The following SHANK2 variants were observed in gnomAD, a reference collection of about 807,000 sequenced individuals.
SHANK2 encodes SH3 and multiple ankyrin repeat domains 2.
In SHANK2, 43 loss-of-function variants were observed where a neutral mutation model predicts 133.7. That is an observed-to-expected ratio of 0.32 (90% CI 0.25 to 0.41). SHANK2 has a LOEUF of 0.41. Ranked by LOEUF, SHANK2 falls within the 10% of genes least tolerant of loss-of-function variation. The probability of loss-of-function intolerance (pLI) is 1.00; values close to 1 mark genes in which losing one functional copy is unlikely to be tolerated. For missense variants in SHANK2, 1,994 were observed against 2,235.8 expected, an observed-to-expected ratio of 0.89 and a Z score of 2.18; for synonymous variants, 1,017 against 952.8, an observed-to-expected ratio of 1.07 and a Z score of -1.24.
intron 17 of SHANK2, among the ~76,000 whole-genome samples, chr11:70,557,409 A>G (rs1554979888): frequency 6.6e-6 from 1 of 152,158 alleles, no homozygotes; most frequent in Admixed American, 6.5e-5. Flanking sequence ...GAAGGGACTC[A>G]CATGGAGGGC....
intron 21 of SHANK2, among the ~76,000 whole-genome samples, chr11:70,497,331 T>C (rs965439427): frequency 6.6e-5 from 10 of 152,160 alleles, no homozygotes; most frequent in African/African-American, 2.4e-4. Flanking sequence ...TATGCTTAAT[T>C]TATAAAAGCT....
At chr11:70,616,080 C>T (rs1424237549) in intron 17 of SHANK2, among the ~76,000 whole-genome samples, 1 of 152,130 alleles carries the variant, frequency 6.6e-6, no homozygotes, top group East Asian at 1.9e-4. Flanking sequence ...CTGTCCTTGC[C>T]GTTAGGATGC....
chr11:70,479,674 C>T lies in SHANK2; in HGVS notation c.4979+5640G>A, dbSNP rs1432010573. Among the ~76,000 whole-genome samples the T allele has an allele frequency of 6.6e-6, 1 of 152,262 alleles. No homozygotes were observed. Among genetic ancestry groups the T allele is most frequent in the African/African-American group, 2.4e-5 (1 of 41,474 alleles). On this transcript the variant is annotated intron_variant, in intron 25 of 25. Transcript: ENST00000601538. The surrounding 1 kb of genome is among the most constrained non-coding windows in gnomAD (Gnocchi z 4.4). Reference sequence around the variant, plus strand: ...CCTAACAGAAGCCATGGGGGACCCCCACAAGCACACACTCACTGCTCTGTT... The same window carrying T: ...CCTAACAGAAGCCATGGGGGACCCCTACAAGCACACACTCACTGCTCTGTT...
At chr11:70,839,546 A>C (rs1211639303) in intron 11 of SHANK2, among the ~76,000 whole-genome samples, 1 of 152,230 alleles carries the variant, frequency 6.6e-6, no homozygotes, top group Non-Finnish European at 1.5e-5. Context: ...TTCCTGTGCC[A>C]CTGGGCTCCT....
At chr11:71,065,790 A>C (rs1451302731) in intron 9 of SHANK2, among the ~76,000 whole-genome samples, 2 of 111,494 alleles carry the variant, frequency 1.8e-5, no homozygotes, top group African/African-American at 7.2e-5. Context: ...GGGGTACAGA[A>C]CTCTCCCAGG....
chr11:70,651,216 T>C (rs1363379178), intron 17 of SHANK2, among the ~76,000 whole-genome samples: 1 of 152,194 alleles, frequency 6.6e-6, no homozygotes, highest in Non-Finnish European at 1.5e-5. Flanking sequence ...CATGGTCCCC[T>C]GAAGTGATTC....
At chr11:70,720,097 C>G (rs1268739280) in intron 14 of SHANK2, among the ~76,000 whole-genome samples, 2 of 152,184 alleles carry the variant, frequency 1.3e-5, no homozygotes, top group Admixed American at 6.5e-5. Context: ...GAGCCAGAAC[C>G]ATCGGACCGC....
intron 6 of SHANK2, 76 bp downstream of exon 6, chr11:71,109,865 A>T (rs1349248347): frequency 3.5e-6 from 3 of 856,380 alleles, no homozygotes; most frequent in Non-Finnish European, 5.8e-6. Flanking sequence ...CGTTATTCAC[A>T]GGTAGCCTGA....
intron 1 of SHANK2, among the ~76,000 whole-genome samples, chr11:71,233,341 C>T (rs1055440436): frequency 2.6e-5 from 4 of 152,070 alleles, no homozygotes; most frequent in Admixed American, 1.3e-4. Flanking sequence ...CTCGGTAACA[C>T]GATGCTAAGT....
intron 14 of SHANK2, among the ~76,000 whole-genome samples, chr11:70,754,551 A>C (rs1487119203): frequency 6.6e-6 from 1 of 152,202 alleles, no homozygotes; most frequent in Non-Finnish European, 1.5e-5. Context: ...AGGAAATTCT[A>C]CATAGGTGAC....
chr11:71,071,248 T>C (rs1030700043), intron 9 of SHANK2, among the ~76,000 whole-genome samples: 1 of 152,192 alleles, frequency 6.6e-6, no homozygotes, highest in Non-Finnish European at 1.5e-5. Context: ...AGCTGAGTAA[T>C]GTATCTCCAC....
intron 14 of SHANK2, among the ~76,000 whole-genome samples, chr11:70,707,879 C>T (rs1185324159): frequency 6.6e-6 from 1 of 152,202 alleles, no homozygotes; most frequent in African/African-American, 2.4e-5. Flanking sequence ...CCACCTCACC[C>T]CACGCCCCAG....
intron 14 of SHANK2, among the ~76,000 whole-genome samples, chr11:70,748,424 T>C (rs1291422897): frequency 1.3e-5 from 2 of 152,024 alleles, no homozygotes; most frequent in Non-Finnish European, 2.9e-5. Context: ...CCCACAACCA[T>C]GGTGGGTGCC....
At chr11:70,801,990 A>C (rs1948056489) in intron 13 of SHANK2, among the ~76,000 whole-genome samples, 1 of 152,120 alleles carries the variant, frequency 6.6e-6, no homozygotes, top group African/African-American at 2.4e-5. Context: ...CAGGAGGAAG[A>C]CTACGGAAGC....
intron 8 of SHANK2, among the ~76,000 whole-genome samples, chr11:71,091,029 T>A (rs999672903): frequency 1.3e-5 from 2 of 151,906 alleles, no homozygotes; most frequent in Non-Finnish European, 1.5e-5. Flanking sequence ...ACAACTAGAA[T>A]ATTGTTTGAT....
chr11:70,941,050 T>C (rs1555084330), intron 10 of SHANK2, among the ~76,000 whole-genome samples: 1 of 152,198 alleles, frequency 6.6e-6, no homozygotes, highest in Admixed American at 6.5e-5. Context: ...GAGGGGCTGA[T>C]GGAAAACAAG....
At chr11:70,828,016 C>T (rs941485527) in intron 11 of SHANK2, among the ~76,000 whole-genome samples, 5 of 152,178 alleles carry the variant, frequency 3.3e-5, no homozygotes, top group Non-Finnish European at 7.3e-5. Flanking sequence ...CGGTGGCTCA[C>T]GCCTGTAATC....
intron 22 of SHANK2, 79 bp downstream of exon 22, chr11:70,492,256 C>T: frequency 1.9e-6 from 3 of 1,587,418 alleles, no homozygotes; most frequent in Non-Finnish European, 2.6e-6. Flanking sequence ...GCGTGTGCAC[C>T]TCAGCTACTG....
intron 8 of SHANK2, among the ~76,000 whole-genome samples, chr11:71,076,398 GTCCACGAGAAAGAGCTACAC>G (rs1951220138): frequency 3.3e-5 from 5 of 151,816 alleles, no homozygotes; most frequent in African/African-American, 9.7e-5. Context: ...CCTTCTCAGG[GTCCACGAGAAAGAGCTACAC>G]CTCAGCAATT....
Sources: allele counts gnomAD v4.1 joint callset (sites outside exome capture counted in the v4.1 genomes callset), GRCh38; gene constraint gnomAD v4.1.1; non-coding constraint Gnocchi (gnomAD v3.1); transcripts MANE v1.5; gene names NCBI Gene and HGNC (gene_info 2026-07-23, HGNC 2026-07-21).